Variants in ANAPC1 observed in about 807,000 individuals in gnomAD.
ANAPC1 encodes the protein anaphase-promoting complex subunit 1.
In ANAPC1, 36 loss-of-function variants were observed where a neutral mutation model predicts 208.0. That is an observed-to-expected ratio of 0.17 (90% CI 0.13 to 0.23). ANAPC1 has a LOEUF of 0.23. ANAPC1 is among the 10% of genes least tolerant of loss of function. ANAPC1 has a pLI of 1.00. For synonymous variants in ANAPC1, 378 were observed against 695.2 expected (o/e 0.54, Z 7.18); for missense variants, 942 against 2,011.6 (o/e 0.47, Z 10.17).
At chr2:111,879,301 T>C (rs1219237185) in intron 2 of ANAPC1, among the ~76,000 whole-genome samples, 2 of 152,178 alleles carry the variant, frequency 1.3e-5, no homozygotes, top group African/African-American at 4.8e-5. Context: ...ATTAAGTATA[T>C]GAGGTAGGGT....
chr2:111,873,506 T>G (rs1016846663), intron 4 of ANAPC1, 98 bp from the exon 5 acceptor site: 98 of 1,495,678 alleles, frequency 6.6e-5, no homozygotes, highest in Admixed American at 2.3e-4. Flanking sequence ...TAAAGATGCT[T>G]ATGGTAAACC....
chr2:111,826,523 G>A (rs1264332051), intron 21 of ANAPC1, among the ~76,000 whole-genome samples: 1 of 152,066 alleles, frequency 6.6e-6, no homozygotes, highest in Non-Finnish European at 1.5e-5. Context: ...GTCTCTCCAA[G>A]GATCACTAGT....
At chr2:111,822,889 C>T (rs1230045983) in intron 24 of ANAPC1, among the ~76,000 whole-genome samples, 1 of 151,604 alleles carries the variant, frequency 6.6e-6, no homozygotes, top group African/African-American at 2.4e-5. Flanking sequence ...GATGCTCTAC[C>T]TAATTAGGGA....
chr2:111,830,068 T>C (rs1292682858), intron 21 of ANAPC1, among the ~76,000 whole-genome samples: 1 of 151,386 alleles, frequency 6.6e-6, no homozygotes, highest in Admixed American at 6.6e-5. Context: ...AGACTCTGTC[T>C]CAAAAATAAA....
At chr2:111,852,699 A>T (rs1681471314) in intron 13 of ANAPC1, among the ~76,000 whole-genome samples, 1 of 152,132 alleles carries the variant, frequency 6.6e-6, no homozygotes, top group Admixed American at 6.5e-5. Flanking sequence ...CTGTTTTTGT[A>T]CAGTCTGTGA....
chr2:111,834,718 G>A lies in ANAPC1; in HGVS notation c.2270C>T (p.Thr757Ile). The A allele has an allele frequency of 1.2e-6, 2 of 1,613,612 alleles. No individual in the cohort carries two copies. The highest frequency in any genetic ancestry group is 1.7e-6 in the Non-Finnish European group (2 of 1,179,788). Reference protein sequence around the residue: ...LSLDSSTLLFTHIPAIFFVLH... With the variant: ...LSLDSSTLLFIHIPAIFFVLH... ...AACGAAAAAAATTGCAGGTATGTGAGTAAAGAGAAGTGTAGAAGAATCCAG... is the reference window on the plus strand; with the variant it reads ...AACGAAAAAAATTGCAGGTATGTGAATAAAGAGAAGTGTAGAAGAATCCAG... Residue 757 changes from threonine to isoleucine, a missense_variant, in exon 19 of 48, where the codon ACT (threonine) becomes ATT (isoleucine). Thr to Ile is a moderately conservative substitution (Grantham distance 89). Transcript: ENST00000341068.
At chr2:111,866,312 G>A in intron 7 of ANAPC1, 1 of 371,620 alleles carries the variant, frequency 2.7e-6, no homozygotes, top group Non-Finnish European at 5.3e-6. Context: ...AGCTGTATGT[G>A]AAGCTAAATT....
Position 111,792,724 on chromosome 2 carries a change from G to A in ANAPC1, c.4519-169C>T, listed in dbSNP as rs566114119. On this transcript the variant is annotated intron_variant, in intron 37 of 47. Transcript: ENST00000341068. ...TCCCAGCACTTTGGGAGGCCAAGGC[G>A]GGCGGATCACGAGGTCAGGAGATCG... Among the ~76,000 whole-genome samples, 1,480 of 152,022 alleles carry A rather than the reference G, an allele frequency of 9.7e-3. 25 individuals carry two copies. The highest frequency in any genetic ancestry group is 0.033 in the African/African-American group (1,363 of 41,512).
At chr2:111,825,425 G>C (rs1679782104) in intron 22 of ANAPC1, among the ~76,000 whole-genome samples, 1 of 152,110 alleles carries the variant, frequency 6.6e-6, no homozygotes, top group Non-Finnish European at 1.5e-5. Flanking sequence ...CTGCATATGG[G>C]TTTCACATCA....
chr2:111,783,657 T>C (rs1431303458), intron 42 of ANAPC1, among the ~76,000 whole-genome samples: 3 of 152,264 alleles, frequency 2.0e-5, no homozygotes, highest in Non-Finnish European at 4.4e-5. Context: ...AGGAAGTCAG[T>C]GCAAGTTTCT....
At chr2:111,838,402 A>C (rs774642300) in intron 18 of ANAPC1, 36 bp downstream of exon 18, 3 of 1,533,038 alleles carry the variant, frequency 2.0e-6, no homozygotes, top group African/African-American at 2.8e-5. Flanking sequence ...AATATCCATA[A>C]ATTAATTTAT....
chr2:111,783,084 G>C (rs1677370312), intron 42 of ANAPC1, among the ~76,000 whole-genome samples: 1 of 151,872 alleles, frequency 6.6e-6, no homozygotes. Context: ...AAAATAAACT[G>C]GCTGAGTAGT....
Position 111,820,013 on chromosome 2 carries a change from T to G in ANAPC1, c.3207-1055A>C, listed in dbSNP as rs1167679780. Among the ~76,000 whole-genome samples the G allele has an allele frequency of 6.6e-5, 10 of 152,268 alleles. No homozygotes were observed. In the East Asian group the frequency reaches 1.9e-3, roughly 29 times the overall value. On this transcript the variant is annotated intron_variant, in intron 26 of 47. Coordinates refer to ENST00000341068, the MANE Select transcript of ANAPC1 (RefSeq NM_022662.4). ...TTCAACTTTGCGCAAGTAACAAAAT[T>G]ATAATGAGAACAATATTATATCCCC...
intron 17 of ANAPC1, 27 bp downstream of exon 17, chr2:111,843,385 A>G (rs1247980967): frequency 6.2e-7 from 1 of 1,610,568 alleles, no homozygotes; most frequent in South Asian, 1.1e-5. Context: ...AGAATAACTC[A>G]TAAAGAAAAC....
rs1489693612 is a variant in ANAPC1 at position 111,794,806 on chromosome 2, T to A, written c.4373+12A>T. 3 of 1,329,826 alleles carry A rather than the reference T, an allele frequency of 2.3e-6. No individual in the cohort carries two copies. The highest frequency in any genetic ancestry group is 3.2e-6 in the Non-Finnish European group (3 of 951,588). 82.4% of individuals were successfully genotyped at this position (1,329,826 alleles called of 1,614,324 possible). A position where few individuals can be genotyped will look rare whatever the true frequency, so the allele number is the denominator to read the frequency against. On this transcript the variant is annotated intron_variant, in intron 35 of 47. Coordinates refer to ENST00000341068, the MANE Select transcript of ANAPC1 (RefSeq NM_022662.4). ...ACGCTAGGATAGCTAATTTGCATTA[T>A]ACATCACTTACGACAAAGTTTCCAA...
At chr2:111,781,097 A>C (rs1450472915) in intron 43 of ANAPC1, among the ~76,000 whole-genome samples, 1 of 149,262 alleles carries the variant, frequency 6.7e-6, no homozygotes, top group African/African-American at 2.5e-5. Flanking sequence ...ACAACTTTTT[A>C]AACTTGGGAA....
At chr2:111,854,991 C>T (rs143179231) in intron 13 of ANAPC1, among the ~76,000 whole-genome samples, 2,897 of 152,312 alleles carry the variant, frequency 0.019, 79 homozygotes, top group African/African-American at 0.066. Flanking sequence ...GCTTTCAACA[C>T]GCCTTCCTCA....
chr2:111,834,709 G>A lies in ANAPC1; in HGVS notation c.2279C>T (p.Pro760Leu), dbSNP rs181246140. The part of the protein sequence containing the change: ...DSSTLLFTHI[P>L]AIFFVLHLVY... The stretch of plus-strand genomic sequence containing the variant: ...AAGGTGAAGAACGAAAAAAATTGCA[G>A]GTATGTGAGTAAAGAGAAGTGTAGA... The change falls in exon 19 of 48, where the codon CCT (proline) becomes CTT (leucine). Residue 760 changes from proline to leucine, a missense_variant. By Grantham distance (98) the Pro-to-Leu change is moderately conservative. Coordinates refer to ENST00000341068, the MANE Select transcript of ANAPC1 (RefSeq NM_022662.4). 1.9e-6 allele frequency: 3 copies of A among 1,613,552 alleles called. No individual in the cohort carries two copies. The highest frequency in any genetic ancestry group is 2.5e-6 in the Non-Finnish European group (3 of 1,179,794).
chr2:111,882,664 G>C (rs544272353), intron 1 of ANAPC1, among the ~76,000 whole-genome samples: 1 of 150,834 alleles, frequency 6.6e-6, no homozygotes, highest in South Asian at 2.1e-4. Flanking sequence ...TTCAACCTGG[G>C]AGGCAGAGGT....
Sources: allele counts gnomAD v4.1 joint callset (sites outside exome capture counted in the v4.1 genomes callset), GRCh38; gene constraint gnomAD v4.1.1; transcripts MANE v1.5; gene names NCBI Gene and HGNC (gene_info 2026-07-23, HGNC 2026-07-21).